The following TNXB variants were observed in gnomAD, a reference collection of about 807,000 sequenced individuals.
TNXB encodes the protein tenascin XB, also known as tenascin-X.
In TNXB, 183 loss-of-function variants were observed where a neutral mutation model predicts 340.5. The observed-to-expected ratio is 0.54, with a 90% confidence interval of 0.48 to 0.61. The LOEUF is 0.61. Among genes scored for constraint, TNXB ranks in the 20% least tolerant of loss-of-function variants. The pLI, the probability that TNXB is intolerant of heterozygous loss-of-function variation, is 0.00. For synonymous variants in TNXB, 2,121 were observed against 2,314.5 expected (o/e 0.92, Z 2.40); for missense variants, 4,613 against 5,446.4 (o/e 0.85, Z 4.82).
chr6:32,065,062 C>T lies in TNXB; in HGVS notation c.6600G>A (p.Met2200Ile). Residue 2200 changes from methionine to isoleucine, a missense_variant, in exon 19 of 44, where the codon ATG becomes ATA. Physicochemically the swap from Met to Ile is conservative, Grantham distance 10. Around this residue, in one of 7 missense-constraint regions of TNXB, gnomAD observed 4,327 missense variants for 4,859.4 expected, o/e 0.89. Coordinates refer to ENST00000644971, the MANE Select transcript of TNXB (RefSeq NM_001365276.2). ...APLAKLRLGQ[M>I]TVRDITSDSL... ...AGTCGGAGGTGATGTCTCTCACTGTCATCTGCCCTAGGCGCAGCTTTGCAA... is the reference window on the plus strand; with the variant it reads ...AGTCGGAGGTGATGTCTCTCACTGTTATCTGCCCTAGGCGCAGCTTTGCAA... 2 of 1,603,436 alleles carry T rather than the reference C, an allele frequency of 1.2e-6. No homozygotes were observed. The highest frequency in any genetic ancestry group is 1.7e-6 in the Non-Finnish European group (2 of 1,175,664).
At position 32,082,078 on chromosome 6, in the gene TNXB, T is replaced by G; in HGVS notation, c.3694A>C (p.Asn1232His). 1 of 1,609,308 alleles carries G rather than the reference T, an allele frequency of 6.2e-7. No individual in the cohort carries two copies. Among genetic ancestry groups the G allele is most frequent in the East Asian group, 2.2e-5 (1 of 44,796 alleles). ...KYRFTLFGIA[N>H]KKRYGPLTAD... ...GTGAGGGGGCCATACCGCTTCTTGTTCGCAATTCCAAACAGAGTGAATCTG... is the reference window on the plus strand; with the variant it reads ...GTGAGGGGGCCATACCGCTTCTTGTGCGCAATTCCAAACAGAGTGAATCTG... Residue 1232 changes from asparagine to histidine, a missense_variant, in exon 9 of 44, where the codon AAC becomes CAC. By Grantham distance (68) the Asn-to-His change is moderately conservative. This residue lies in a region of TNXB where 4,327 missense variants were observed against 4,859.4 expected (regional missense o/e 0.89). Coordinates refer to ENST00000644971, the MANE Select transcript of TNXB (RefSeq NM_001365276.2). The surrounding 1 kb of genome is among the most constrained non-coding windows in gnomAD (Gnocchi z 5.0).
rs761317072 is a variant in TNXB at position 32,042,335 on chromosome 6, T to A, written c.12238A>T (p.Thr4080Ser). Residue 4080 changes from threonine (T) to serine (S), a missense_variant, in exon 41 of 44, where the codon ACA becomes TCA. Physicochemically the swap from Thr to Ser is moderately conservative, Grantham distance 58 (BLOSUM62 1). This residue lies in a region of TNXB where 121 missense variants were observed against 177.4 expected (regional missense o/e 0.68). Transcript: ENST00000644971. ...LVFQRRMDGQ[T>S]DFWRDWEDYA... ...TCCTCCCAGTCCCTCCAGAAGTCTG[T>A]CTGTCCATCCATGCGGCGCTGGAAC... 13 of 1,523,560 alleles carry A rather than the reference T, an allele frequency of 8.5e-6. No individual in the cohort carries two copies. Among genetic ancestry groups the A allele is most frequent in the Non-Finnish European group, 1.2e-5 (13 of 1,106,086 alleles). The allele number at this position is 1,523,560 out of a possible 1,614,324, so 94.4% of individuals were successfully genotyped here. A position where few individuals can be genotyped will look rare whatever the true frequency, so the allele number is the denominator to read the frequency against.
In TNXB at chr6:32,086,088, G is replaced by A; in HGVS notation, c.2810C>T (p.Thr937Ile). 7 of 1,563,114 alleles carry A rather than the reference G, an allele frequency of 4.5e-6. No individual in the cohort carries two copies. Among genetic ancestry groups the A allele is most frequent in the Non-Finnish European group, 6.1e-6 (7 of 1,154,398 alleles). The stretch of plus-strand genomic sequence containing the variant: ...GGGGCCTGAGGGAGGAGGCTCATCG[G>A]TAGTCCCCAAGAGGCCCAAGGGTGA... ...GSSPLGLLGTTDEPPPSGPST... is the reference protein window; with the variant it reads ...GSSPLGLLGTIDEPPPSGPST... The change falls in exon 7 of 44, where the codon ACC (threonine) becomes ATC (isoleucine). Residue 937 changes from threonine to isoleucine, a missense_variant. This residue lies in a region of TNXB where 4,327 missense variants were observed against 4,859.4 expected (regional missense o/e 0.89). Transcript: ENST00000644971.
chr6:32,067,825 A>C lies in TNXB; in HGVS notation c.6380T>G (p.Val2127Gly), dbSNP rs1371123071. 6.2e-7 allele frequency: 1 copy of C among 1,613,254 alleles called. No individual in the cohort carries two copies. Among genetic ancestry groups the C allele is most frequent in the Non-Finnish European group, 8.5e-7 (1 of 1,179,870 alleles). Residue 2127 changes from valine to glycine, a missense_variant, in exon 18 of 44, where the codon GTG (valine) becomes GGG (glycine). Around this residue, in one of 7 missense-constraint regions of TNXB, gnomAD observed 4,327 missense variants for 4,859.4 expected, o/e 0.89. Coordinates refer to ENST00000644971, the MANE Select transcript of TNXB (RefSeq NM_001365276.2). The surrounding 1 kb of genome is among the most constrained non-coding windows in gnomAD (Gnocchi z 4.2). ...CCGCCCGTCCCTGTCCTTGTACTGC[A>C]CGGTGAAGGAGTCGAAGCGGCCCTG... ...VPQGRFDSFT[V>G]QYKDRDGRPQ...
At chr6:32,098,301 C>A in intron 1 of TNXB, 95 bp from the exon 2 acceptor site, 1 of 1,054,554 alleles carries the variant, frequency 9.5e-7, no homozygotes, top group Non-Finnish European at 1.3e-6. Flanking sequence ...CCACCACCCA[C>A]AAGTAATCTA....
rs762652171 is a variant in TNXB at position 32,047,767 on chromosome 6, G to A, written c.10291C>T (p.Arg3431Ter). Residue 3431 changes from arginine (R) to a stop codon, truncating the protein, a stop_gained, in exon 30 of 44, where the codon CGA becomes TGA. Coordinates refer to ENST00000644971, the MANE Select transcript of TNXB (RefSeq NM_001365276.2). LOFTEE classifies it high-confidence loss of function. This position sits in a 1 kb window ranked among gnomAD's most constrained non-coding sequence, Gnocchi z 6.2. ...CTGTCAGCAGAGATGGGGCCCAGTCGTTTCCTGCCTGACAGACCATAGAGC... is the reference window on the plus strand; with the variant it reads ...CTGTCAGCAGAGATGGGGCCCAGTCATTTCCTGCCTGACAGACCATAGAGC... ...FLLYGLSGRK[R>*]LGPISADSTT... The A allele has an allele frequency of 2.5e-6, 4 of 1,605,658 alleles. No homozygotes were observed. The highest frequency in any genetic ancestry group is 1.1e-5 in the South Asian group (1 of 89,982).
intron 24 of TNXB, 80 bp downstream of exon 24, chr6:32,055,771 G>C (rs1271115316): frequency 1.3e-6 from 2 of 1,539,730 alleles, no homozygotes; most frequent in African/African-American, 1.4e-5. Context: ...AGCCCGGCTG[G>C]TGAGAATATT....
chr6:32,049,448 G>T lies in TNXB; in HGVS notation c.9579C>A (p.Phe3193Leu), dbSNP rs773892921. The part of the protein sequence containing the change: ...SLSWTVPQGR[F>L]DSFTVQYKDR... ...CCTTGTACTGCACGGTGAAGGAGTC[G>T]AAGCGGCCCTGGGGGACGGTCCAGG... The change falls in exon 28 of 44, where the codon TTC (phenylalanine) becomes TTA (leucine). Residue 3193 changes from phenylalanine to leucine, a missense_variant. Phe to Leu is a conservative substitution (Grantham distance 22). This residue lies in a region of TNXB where 4,327 missense variants were observed against 4,859.4 expected (regional missense o/e 0.89). Transcript: ENST00000644971. The surrounding 1 kb of genome is among the most constrained non-coding windows in gnomAD (Gnocchi z 4.5). 6.2e-7 allele frequency: 1 copy of T among 1,612,678 alleles called. No homozygotes were observed. Among genetic ancestry groups the T allele is most frequent in the South Asian group, 1.1e-5 (1 of 91,042 alleles).
At position 32,068,676 on chromosome 6, in the gene TNXB, G is replaced by A. The variant is rs745634670; in HGVS notation, c.5934C>T (p.Pro1978=). ...VPEEEKPSEP[P]TATPEPPIKP... ...TGATGGGGGGCTCGGGGGTTGCGGTGGGAGGTTCTGAAGGCTTCTCCTCCT... is the reference window on the plus strand; with the variant it reads ...TGATGGGGGGCTCGGGGGTTGCGGTAGGAGGTTCTGAAGGCTTCTCCTCCT... Residue 1978 remains proline, a synonymous_variant, in exon 17 of 44, where the codon CCC becomes CCT. Coordinates refer to ENST00000644971, the MANE Select transcript of TNXB (RefSeq NM_001365276.2). The surrounding 1 kb of genome is among the most constrained non-coding windows in gnomAD (Gnocchi z 5.3). 1.9e-6 allele frequency: 3 copies of A among 1,613,894 alleles called. No individual in the cohort carries two copies. In the South Asian group the frequency reaches 3.3e-5, roughly 18 times the overall value.
At chr6:32,077,706 TA>T (rs1779155748) in intron 11 of TNXB, among the ~76,000 whole-genome samples, 1 of 152,210 alleles carries the variant, frequency 6.6e-6, no homozygotes, top group Non-Finnish European at 1.5e-5. Context: ...TTCTTTGCTG[TA>T]AAGTCACTCA....
At position 32,082,456 on chromosome 6, in the gene TNXB, G is replaced by T; in HGVS notation, c.3446-130C>A. On this transcript the variant is annotated intron_variant, in intron 8 of 43. Transcript: ENST00000644971. This position sits in a 1 kb window ranked among gnomAD's most constrained non-coding sequence, Gnocchi z 5.0. ...GCACAAAAGTGCATTTGCTGAGGGA[G>T]TACAGAGGGACTGAAATCCAGCCAG... The T allele has an allele frequency of 1.1e-6, 1 of 947,200 alleles. No homozygotes were observed. The highest frequency in any genetic ancestry group is 1.6e-6 in the Non-Finnish European group (1 of 642,764). 58.7% of individuals were successfully genotyped at this position (947,200 alleles called of 1,614,324 possible). A position where few individuals can be genotyped will look rare whatever the true frequency, so the allele number is the denominator to read the frequency against.
rs1160808140 is a variant in TNXB, at chr6:32,067,751, C to T, written c.6454G>A (p.Gly2152Ser). 3 of 1,613,788 alleles carry T rather than the reference C, an allele frequency of 1.9e-6. No homozygotes were observed. The highest frequency in any genetic ancestry group is 1.3e-5 in the African/African-American group (1 of 75,028). The stretch of plus-strand genomic sequence containing the variant: ...TTGTACTTGCGCCCAGGCTCCAGGC[C>T]CCCCACGGTGACTTCACTCTCCTCG... ...GGEESEVTVG[G>S]LEPGRKYKMH... Residue 2152 changes from glycine to serine, a missense_variant, in exon 18 of 44, where the codon GGC becomes AGC. Physicochemically the swap from Gly to Ser is moderately conservative, Grantham distance 56. Coordinates refer to ENST00000644971, the MANE Select transcript of TNXB (RefSeq NM_001365276.2). This position sits in a 1 kb window ranked among gnomAD's most constrained non-coding sequence, Gnocchi z 4.2.
In TNXB at chr6:32,096,743, C is replaced by A; in HGVS notation, c.1110G>T (p.Thr370=). Residue 370 remains threonine (T), a synonymous_variant, in exon 3 of 44, where the codon ACG becomes ACT. Transcript: ENST00000644971. ...WPGYTGEDCS[T]RTCPRDCRGR... is the part of the protein sequence containing the mutation. ...CCCGGCAGTCCCTCGGACATGTCCG[C>A]GTGCTGCAGTCCTCGCCTGTGTACC... The A allele has an allele frequency of 6.4e-7, 1 of 1,553,482 alleles. No homozygotes were observed. The highest frequency in any genetic ancestry group is 1.9e-5 in the Admixed American group (1 of 51,710).
rs1039264768 is a variant in TNXB, at chr6:32,067,438, C to A, written c.6544+223G>T. 2.0e-5 allele frequency among the ~76,000 whole-genome samples: 3 copies of A among 152,210 alleles called. No individual in the cohort carries two copies. Among genetic ancestry groups the A allele is most frequent in the Non-Finnish European group, 4.4e-5 (3 of 68,028 alleles). Reference sequence around the variant, plus strand: ...GAGAGCCACAAACCAGCCAGTGAATCACCTCCCAAGAGGCCTCAGTCCCTG... The same window carrying A: ...GAGAGCCACAAACCAGCCAGTGAATAACCTCCCAAGAGGCCTCAGTCCCTG... On this transcript the variant is annotated intron_variant, in intron 18 of 43. Transcript: ENST00000644971. The surrounding 1 kb of genome is among the most constrained non-coding windows in gnomAD (Gnocchi z 4.2).
intron 3 of TNXB, 128 bp downstream of exon 3, chr6:32,095,483 C>G (rs746438750): frequency 2.6e-5 from 32 of 1,239,004 alleles, no homozygotes; most frequent in Non-Finnish European, 3.6e-5. Flanking sequence ...TTCTGCTGCC[C>G]CTGGTGGGCA....
rs571783561 is a variant in TNXB at position 32,070,003 on chromosome 6, G to A, written c.5278+124C>T. The A allele has an allele frequency of 1.4e-5, 19 of 1,377,216 alleles. No homozygotes were observed. Among genetic ancestry groups the A allele is most frequent in the African/African-American group, 2.9e-5 (2 of 69,012 alleles). The allele number at this position is 1,377,216 out of a possible 1,614,324, so 85.3% of individuals were successfully genotyped here. On this transcript the variant is annotated intron_variant, in intron 14 of 43. Transcript: ENST00000644971. This position sits in a 1 kb window ranked among gnomAD's most constrained non-coding sequence, Gnocchi z 6.0. ...CTGTGCTAGGGGCTTGTGCAGGGAC[G>A]TGGGGAGCTGGATCTGAGCCGAGTG...
At position 32,047,867 on chromosome 6, in the gene TNXB, C is replaced by A. The variant is rs1776994239; in HGVS notation, c.10191G>T (p.Gln3397His). The A allele has an allele frequency of 6.2e-7, 1 of 1,612,280 alleles. No individual in the cohort carries two copies. The highest frequency in any genetic ancestry group is 1.3e-5 in the African/African-American group (1 of 74,936). The change falls in exon 30 of 44, where the codon CAG (glutamine) becomes CAT (histidine). Residue 3397 changes from glutamine to histidine, a missense_variant. Physicochemically the swap from Gln to His is conservative, Grantham distance 24 (BLOSUM62 0). Transcript: ENST00000644971. The surrounding 1 kb of genome is among the most constrained non-coding windows in gnomAD (Gnocchi z 6.2). ...GCTGGTTGGCTGCCACCGGCACCAC[C>A]TGGAGCCGACCATCCTTATCCTTGT... ...VQYKDKDGRL[Q>H]VVPVAANQRE...
Position 32,096,688 on chromosome 6 carries a change from T to C in TNXB, c.1165A>G (p.Ile389Val), listed in dbSNP as rs867620707. 6.6e-7 allele frequency: 1 copy of C among 1,513,192 alleles called. No homozygotes were observed. Among genetic ancestry groups the C allele is most frequent in the Non-Finnish European group, 8.8e-7 (1 of 1,134,314 alleles). 93.7% of individuals were successfully genotyped at this position (1,513,192 alleles called of 1,614,324 possible). The stretch of plus-strand genomic sequence containing the variant: ...TCCCCGCTGTAGCCCGTGTCGCAAA[T>C]GCATTCGCCGTCCTCGCAGCGCCCG... ...GRGRCEDGEC[I>V]CDTGYSGDDC... Residue 389 changes from isoleucine to valine, a missense_variant, in exon 3 of 44, where the codon ATT becomes GTT. Ile to Val is a conservative substitution (Grantham distance 29, BLOSUM62 3). This residue lies in a region of TNXB where 4,327 missense variants were observed against 4,859.4 expected (regional missense o/e 0.89). Coordinates refer to ENST00000644971, the MANE Select transcript of TNXB (RefSeq NM_001365276.2).
At chr6:32,092,594 G>A (rs941346761) in intron 4 of TNXB, among the ~76,000 whole-genome samples, 3 of 151,874 alleles carry the variant, frequency 2.0e-5, no homozygotes, top group African/African-American at 7.3e-5. Flanking sequence ...GGAGGCTGAG[G>A]CAGGAGAATC....
Sources: gnomAD v4.1 joint callset for allele counts (sites outside exome capture counted in the v4.1 genomes callset) on GRCh38, gnomAD v4.1.1 for gene constraint, gnomAD v4.1.1 regional missense constraint, Gnocchi (gnomAD v3.1) non-coding constraint, MANE v1.5 for transcripts, NCBI Gene and HGNC (gene_info 2026-07-23, HGNC 2026-07-21) for gene names.